Variants in LNPEP observed in about 807,000 individuals in gnomAD.
LNPEP encodes the protein leucyl and cystinyl aminopeptidase.
LNPEP carries 64 observed loss-of-function variants against 120.6 expected under a neutral mutation model. The observed-to-expected ratio is 0.53, with a 90% CI of 0.43 to 0.65. LNPEP has a LOEUF of 0.65. Ranked by LOEUF, LNPEP falls within the 30% of genes least tolerant of loss-of-function variation. LNPEP has a pLI of 0.00. For missense variants in LNPEP, 1,057 were observed against 1,200.0 expected (o/e 0.88, Z 1.76); for synonymous variants, 435 against 425.4 (o/e 1.02, Z -0.28).
intron 1 of LNPEP, among the ~76,000 whole-genome samples, chr5:96,960,654 A>G (rs185425623): frequency 2.6e-4 from 40 of 152,320 alleles, no homozygotes; most frequent in Admixed American, 3.9e-4. Flanking sequence ...ACGGGAAAAT[A>G]GTAAAATATG....
At chr5:96,937,464 T>C (rs1394813196) in intron 1 of LNPEP, 2 of 152,232 alleles carry the variant, frequency 1.3e-5, no homozygotes, top group Admixed American at 6.5e-5. Context: ...ACTTAAAGAA[T>C]AGTCTGGTGA....
chr5:96,947,213 T>G (rs1181030385), intron 1 of LNPEP, among the ~76,000 whole-genome samples: 2 of 152,178 alleles, frequency 1.3e-5, no homozygotes, highest in Non-Finnish European at 2.9e-5. Context: ...GCCCTAAGCA[T>G]TGTTAAAGAC....
intron 11 of LNPEP, among the ~76,000 whole-genome samples, chr5:97,012,697 C>G (rs1375262626): frequency 1.3e-5 from 2 of 152,138 alleles, no homozygotes; most frequent in Non-Finnish European, 2.9e-5. Context: ...TCTTCATTAG[C>G]AGTTTTAAGG....
chr5:97,033,830 G>T lies in LNPEP; in HGVS notation c.*5297G>T, dbSNP rs1380951071. 1 of 152,042 alleles carries T rather than the reference G, an allele frequency of 6.6e-6. No homozygotes were observed. The highest frequency in any genetic ancestry group is 1.9e-4 in the East Asian group (1 of 5,190). The allele number at this position is 152,042 out of a possible 1,614,324, so 9.4% of individuals were successfully genotyped here. On this transcript the variant is annotated 3_prime_UTR_variant, in exon 18 of 18. Transcript: ENST00000231368. ...CATTGGGTACCCGGTCCTTCACTTGGATGTGTAGGTTCCTAATGAGCCATG... is the reference window on the plus strand; with the variant it reads ...CATTGGGTACCCGGTCCTTCACTTGTATGTGTAGGTTCCTAATGAGCCATG...
chr5:96,960,598 C>G (rs1003068775), intron 1 of LNPEP, among the ~76,000 whole-genome samples: 1 of 152,152 alleles, frequency 6.6e-6, no homozygotes, highest in African/African-American at 2.4e-5. Flanking sequence ...GTGACTTTTC[C>G]TTTTATGATG....
At chr5:96,980,419 A>G (rs1790096467) in intron 2 of LNPEP, among the ~76,000 whole-genome samples, 1 of 152,132 alleles carries the variant, frequency 6.6e-6, no homozygotes, top group South Asian at 2.1e-4. Flanking sequence ...GTGCTTACAT[A>G]TATCATTTTT....
intron 13 of LNPEP, among the ~76,000 whole-genome samples, chr5:97,021,235 AG>A (rs562384256): frequency 1.3e-3 from 119 of 90,672 alleles, no homozygotes; most frequent in African/African-American, 4.9e-3. Context: ...AGCTAAAACA[AG>A]AAAAACATGT....
chr5:97,022,624 T>A, intron 14 of LNPEP, 140 bp downstream of exon 14: 1 of 690,722 alleles, frequency 1.4e-6, no homozygotes, highest in East Asian at 2.7e-5. Flanking sequence ...GTATCTGCAT[T>A]CTCAAACAAG....
chr5:96,995,722 T>C (rs926578137), intron 6 of LNPEP, among the ~76,000 whole-genome samples: 12 of 152,148 alleles, frequency 7.9e-5, no homozygotes, highest in Admixed American at 5.2e-4. Context: ...AGAGTCTCTC[T>C]ATGTTGCCCA....
chr5:96,944,551 T>G (rs1342558729), intron 1 of LNPEP, among the ~76,000 whole-genome samples: 1 of 143,484 alleles, frequency 7.0e-6, no homozygotes, highest in Non-Finnish European at 1.5e-5. Flanking sequence ...TTTGTTTTTC[T>G]TATTTTTGCT....
chr5:97,008,874 G>A (rs979583662), intron 11 of LNPEP, among the ~76,000 whole-genome samples: 2 of 151,616 alleles, frequency 1.3e-5, no homozygotes, highest in Non-Finnish European at 2.9e-5. Context: ...CCATGGTCTC[G>A]ATCTCCTGAC....
intron 8 of LNPEP, among the ~76,000 whole-genome samples, chr5:97,001,982 A>G (rs1388389109): frequency 6.6e-6 from 1 of 152,148 alleles, no homozygotes; most frequent in Admixed American, 6.5e-5. Context: ...TCTACTAAAA[A>G]TACAAAAATT....
At chr5:97,022,191 C>A (rs113524586) in intron 13 of LNPEP, 109 bp from the exon 14 acceptor site, 5 of 676,230 alleles carry the variant, frequency 7.4e-6, no homozygotes, top group Non-Finnish European at 7.4e-6. Flanking sequence ...AGCTTCCCAA[C>A]GTGCTGGGAT....
At chr5:96,963,249 T>A (rs1024609424) in intron 1 of LNPEP, among the ~76,000 whole-genome samples, 2 of 152,206 alleles carry the variant, frequency 1.3e-5, no homozygotes, top group African/African-American at 4.8e-5. Flanking sequence ...AGTGATCAAT[T>A]TATGAATGAA....
intron 1 of LNPEP, chr5:96,936,408 C>T (rs535476242): frequency 7.2e-4 from 290 of 404,984 alleles, no homozygotes; most frequent in African/African-American, 5.8e-3. Flanking sequence ...CGCCGCTCGC[C>T]CGGGGTGCGG....
chr5:97,005,712 G>C (rs1423204168), intron 9 of LNPEP, among the ~76,000 whole-genome samples: 1 of 152,182 alleles, frequency 6.6e-6, no homozygotes, highest in African/African-American at 2.4e-5. Flanking sequence ...GTAGATGTTA[G>C]TATTGTGATT....
Position 97,031,356 on chromosome 5 carries a change from T to C in LNPEP, c.*2823T>C, listed in dbSNP as rs1791464964. On this transcript the variant is annotated 3_prime_UTR_variant, in exon 18 of 18. Coordinates refer to ENST00000231368, the MANE Select transcript of LNPEP (RefSeq NM_005575.3). Reference sequence around the variant, plus strand: ...CCATAAGCTTGGGCCTTCCTCCATCTTGTTTTATTTAAGTCTCTTTAAATG... The same window carrying C: ...CCATAAGCTTGGGCCTTCCTCCATCCTGTTTTATTTAAGTCTCTTTAAATG... 1 of 152,168 alleles carries C rather than the reference T, an allele frequency of 6.6e-6. No individual in the cohort carries two copies. The highest frequency in any genetic ancestry group is 2.4e-5 in the African/African-American group (1 of 41,426). The allele number at this position is 152,168 out of a possible 1,614,324, so 9.4% of individuals were successfully genotyped here. A position where few individuals can be genotyped will look rare whatever the true frequency, so the allele number is the denominator to read the frequency against.
intron 1 of LNPEP, among the ~76,000 whole-genome samples, chr5:96,955,285 C>A (rs567058369): frequency 2.0e-5 from 3 of 152,076 alleles, no homozygotes; most frequent in African/African-American, 7.2e-5. Context: ...TTTGGCCTGA[C>A]TTCTTTGACT....
chr5:96,938,923 T>C (rs1355311775), intron 1 of LNPEP, among the ~76,000 whole-genome samples: 1 of 151,592 alleles, frequency 6.6e-6, no homozygotes, highest in Non-Finnish European at 1.5e-5. Flanking sequence ...TTGGCAATAA[T>C]GATTATGTCT....
Sources: allele counts gnomAD v4.1 joint callset (sites outside exome capture counted in the v4.1 genomes callset), GRCh38; gene constraint gnomAD v4.1.1; transcripts MANE v1.5; gene names NCBI Gene and HGNC (gene_info 2026-07-23, HGNC 2026-07-21).